KIF4A: variants seen among roughly 807,000 people sequenced by gnomAD.
KIF4A encodes chromosome-associated kinesin KIF4A.
Under a neutral mutation model 105.9 loss-of-function variants are expected in KIF4A, and 7 were observed. The observed-to-expected ratio is 0.07, with a 90% CI of 0.04 to 0.12. The LOEUF is 0.12. Ranked by LOEUF, KIF4A falls within the 10% of genes least tolerant of loss-of-function variation. The probability of loss-of-function intolerance (pLI) is 1.00; values close to 1 mark genes in which losing one functional copy is unlikely to be tolerated. For missense variants in KIF4A, 558 were observed against 929.2 expected (o/e 0.60, Z 5.19); for synonymous variants, 281 against 331.3 (o/e 0.85, Z 1.65).
At chrX:70,400,771 T>G (rs1050013775) in intron 22 of KIF4A, among the ~76,000 whole-genome samples, 5 of 111,134 alleles carry the variant, frequency 4.5e-5, no homozygotes, top group African/African-American at 1.6e-4. Flanking sequence ...ATGTTTTTTT[T>G]TTGTTTTTGT....
At chrX:70,341,322 A>G (rs1178436739) in intron 10 of KIF4A, among the ~76,000 whole-genome samples, 1 of 111,845 alleles carries the variant, frequency 8.9e-6, no homozygotes, top group Non-Finnish European at 1.9e-5. Context: ...AAATATATTT[A>G]TGTTGATTAG....
At chrX:70,329,987 A>G (rs2085924329) in intron 8 of KIF4A, among the ~76,000 whole-genome samples, 170 bp from the exon 9 acceptor site, 1 of 112,204 alleles carries the variant, frequency 8.9e-6, no homozygotes. Flanking sequence ...TGTATATTAC[A>G]TCAGAAATCT....
At chrX:70,353,324 C>G (rs1469127626) in intron 14 of KIF4A, among the ~76,000 whole-genome samples, 6 of 111,579 alleles carry the variant, frequency 5.4e-5, no homozygotes, top group Non-Finnish European at 1.1e-4. Context: ...CTGTAAGAAC[C>G]CCTTGGAATG....
chrX:70,351,914 C>T (rs772273983), intron 13 of KIF4A, among the ~76,000 whole-genome samples: 32 of 110,670 alleles, frequency 2.9e-4, no homozygotes, highest in Admixed American at 2.0e-3. Context: ...CTCGCCACCA[C>T]GCCCGGCTAA....
chrX:70,370,726 A>G (rs1441886931), intron 15 of KIF4A, among the ~76,000 whole-genome samples: 1 of 109,851 alleles, frequency 9.1e-6, no homozygotes, highest in African/African-American at 3.3e-5. Context: ...ACTTAAGCTC[A>G]GGAGTTCGAG....
At chrX:70,407,142 CTG>C in intron 28 of KIF4A, 67 bp downstream of exon 28, 1 of 1,103,353 alleles carries the variant, frequency 9.1e-7, no homozygotes, top group Non-Finnish European at 1.2e-6. Flanking sequence ...GAGTCTCACT[CTG>C]TCGCCCAGGC....
chrX:70,351,980 C>T (rs1302086082), intron 13 of KIF4A, among the ~76,000 whole-genome samples: 1 of 111,339 alleles, frequency 9.0e-6, no homozygotes, highest in Admixed American at 9.6e-5. Flanking sequence ...AGGCTGATCT[C>T]GAACTCCTGA....
intron 20 of KIF4A, among the ~76,000 whole-genome samples, chrX:70,388,068 C>T (rs2086224566): frequency 9.0e-6 from 1 of 111,109 alleles, no homozygotes; most frequent in Non-Finnish European, 1.9e-5. Context: ...ATATATATTT[C>T]TTTATATCCC....
At chrX:70,397,804 T>G (rs2086265907) in intron 22 of KIF4A, among the ~76,000 whole-genome samples, 1 of 112,236 alleles carries the variant, frequency 8.9e-6, no homozygotes, top group Non-Finnish European at 1.9e-5. Context: ...GTTCCTGCTT[T>G]GTGCTACACT....
Position 70,330,298 on chromosome X carries a change from C to A in KIF4A, c.1037C>A (p.Pro346His). 8.3e-7 allele frequency: 1 copy of A among 1,210,348 alleles called. No individual in the cohort carries two copies. ...IKNKPIVNID[P>H]QTAELNHLKQ... is the part of the protein sequence containing the mutation. ...AACAAACCTATTGTTAATATTGATC[C>A]CCAGACAGCTGAACTTAATCATCTA... Residue 346 changes from proline (P) to histidine (H), a missense_variant, in exon 9 of 31, where the codon CCC becomes CAC. Coordinates refer to ENST00000374403, the MANE Select transcript of KIF4A (RefSeq NM_012310.5).
At chrX:70,347,911 C>G (rs1325841136) in intron 13 of KIF4A, among the ~76,000 whole-genome samples, 1 of 81,283 alleles carries the variant, frequency 1.2e-5, no homozygotes, top group Non-Finnish European at 2.3e-5. Flanking sequence ...GGAGGCGGAG[C>G]TTGCAGTGAG....
At chrX:70,366,768 G>C (rs752815506) in intron 15 of KIF4A, among the ~76,000 whole-genome samples, 1 of 111,397 alleles carries the variant, frequency 9.0e-6, no homozygotes, top group Non-Finnish European at 1.9e-5. Flanking sequence ...TATTAGGTCC[G>C]CTTGGTGCAG....
In KIF4A at chrX:70,402,631, A is replaced by T. The variant is rs202110821; in HGVS notation, c.2555A>T (p.Gln852Leu). The T allele has an allele frequency of 5.0e-6, 6 of 1,210,455 alleles. No individual in the cohort carries two copies. The highest frequency in any genetic ancestry group is 6.7e-6 in the Non-Finnish European group (6 of 895,276). Residue 852 changes from glutamine (Q) to leucine (L), a missense_variant, in exon 23 of 31, where the codon CAA becomes CTA. By Grantham distance (113) the Gln-to-Leu change is moderately radical. Transcript: ENST00000374403. ...LDAESEDRPK[Q>L]RWENIATILE... ...GCAGAAAGTGAAGACAGACCAAAAC[A>T]ACGCTGGGAGAATATTGCCACCATT...
At chrX:70,409,584 G>T (rs2086313519) in intron 28 of KIF4A, among the ~76,000 whole-genome samples, 1 of 110,762 alleles carries the variant, frequency 9.0e-6, no homozygotes, top group South Asian at 3.9e-4. Flanking sequence ...ATCACCTGAG[G>T]TCAGGAGTTT....
intron 7 of KIF4A, among the ~76,000 whole-genome samples, chrX:70,327,553 CTT>C (rs2085915361): frequency 9.0e-6 from 1 of 111,507 alleles, no homozygotes; most frequent in South Asian, 3.8e-4. Context: ...TTGTGGATAA[CTT>C]TCATCTCTAT....
rs541027326 is a variant in KIF4A at position 70,326,767 on chromosome X, G to A, written c.779-2638G>A. ...TTTGTGATATATATTCCATCTTTGGGAATCATTTATCATTTTAATGTCTTA... is the reference window on the plus strand; with the variant it reads ...TTTGTGATATATATTCCATCTTTGGAAATCATTTATCATTTTAATGTCTTA... On this transcript the variant is annotated intron_variant, in intron 7 of 30. Transcript: ENST00000374403. Among the ~76,000 whole-genome samples, 163 of 111,862 alleles carry A rather than the reference G, an allele frequency of 1.5e-3. 2 individuals are homozygous for A. The South Asian group carries it at 0.059, about 40-fold the overall frequency.
chrX:70,295,390 G>A (rs1177583169), intron 3 of KIF4A, among the ~76,000 whole-genome samples: 3 of 108,177 alleles, frequency 2.8e-5, no homozygotes, highest in African/African-American at 1.0e-4. Flanking sequence ...TGGCCGGGCT[G>A]GTTTCAAACT....
intron 15 of KIF4A, among the ~76,000 whole-genome samples, chrX:70,368,066 G>A (rs1361470217): frequency 4.5e-5 from 5 of 111,603 alleles, no homozygotes; most frequent in South Asian, 3.8e-4. Context: ...TTGTGCATTC[G>A]TCACGTAGTT....
intron 10 of KIF4A, among the ~76,000 whole-genome samples, chrX:70,337,668 TCAAAA>T (rs1207159811): frequency 3.6e-5 from 4 of 111,140 alleles, no homozygotes; most frequent in Non-Finnish European, 5.7e-5. Flanking sequence ...AGACCCTGTC[TCAAAA>T]CAAACAAACA....
Sources: allele counts gnomAD v4.1 joint callset (sites outside exome capture counted in the v4.1 genomes callset), GRCh38; gene constraint gnomAD v4.1.1; transcripts MANE v1.5; gene names NCBI Gene and HGNC (gene_info 2026-07-23, HGNC 2026-07-21).